Variants in RAI14 observed in about 807,000 individuals in gnomAD.
RAI14 encodes ankycorbin.
RAI14 carries 45 observed loss-of-function variants against 115.4 expected under a neutral mutation model. That is an observed-to-expected ratio of 0.39 (90% CI 0.31 to 0.50). RAI14 has a LOEUF of 0.50. Among genes scored for constraint, RAI14 ranks in the 20% least tolerant of loss-of-function variants. The pLI is 0.85. For synonymous variants in RAI14, 371 were observed against 415.4 expected, an observed-to-expected ratio of 0.89 and a Z score of 1.30; for missense variants, 939 against 1,131.2, an observed-to-expected ratio of 0.83 and a Z score of 2.44.
chr5:34,811,759 TCC>T lies in RAI14; in HGVS notation c.558-7_558-6del, dbSNP rs1311632824. 1 of 1,599,978 alleles carries T rather than the reference TCC, an allele frequency of 6.3e-7. No homozygotes were observed. The highest frequency in any genetic ancestry group is 1.3e-5 in the African/African-American group (1 of 74,202). On this transcript the variant is annotated splice_region_variant and splice_polypyrimidine_tract_variant and intron_variant, in intron 8 of 17. Transcript: ENST00000265109. ...TAGTACTAATTTTGTGTCTCTTTTT[TCC>T]TTTAGAACTGCTCTCATGCTGGCCT...
At chr5:34,722,645 G>T (rs971528826) in intron 2 of RAI14, among the ~76,000 whole-genome samples, 2 of 149,970 alleles carry the variant, frequency 1.3e-5, no homozygotes, top group Non-Finnish European at 3.0e-5. Flanking sequence ...CAGGAGTTCG[G>T]TACCAGCCTG....
intron 3 of RAI14, among the ~76,000 whole-genome samples, chr5:34,790,242 A>G (rs531046640): frequency 7.1e-4 from 108 of 152,324 alleles, no homozygotes; most frequent in African/African-American, 2.5e-3. Flanking sequence ...TCTGAGGGGA[A>G]TAAACTGAGT....
At chr5:34,674,673 C>T (rs1476167816) in intron 1 of RAI14, among the ~76,000 whole-genome samples, 1 of 151,618 alleles carries the variant, frequency 6.6e-6, no homozygotes, top group Non-Finnish European at 1.5e-5. Flanking sequence ...CGACCTCCGC[C>T]TCCCAGATTC....
intron 3 of RAI14, among the ~76,000 whole-genome samples, chr5:34,772,381 A>G (rs1580204206): frequency 6.6e-6 from 1 of 152,334 alleles, no homozygotes; most frequent in East Asian, 1.9e-4. Context: ...CCATACTTTT[A>G]ATGGCAGAAA....
chr5:34,720,474 A>G (rs1174369952), intron 2 of RAI14, among the ~76,000 whole-genome samples: 8 of 137,818 alleles, frequency 5.8e-5, no homozygotes, highest in Middle Eastern at 4.1e-3. Flanking sequence ...GCAGTGGCGC[A>G]ATCTCGGCTC....
chr5:34,823,972 G>A lies in RAI14; in HGVS notation c.2130G>A (p.Leu710=). 6.2e-7 allele frequency: 1 copy of A among 1,614,046 alleles called. No homozygotes were observed. The highest frequency in any genetic ancestry group is 8.5e-7 in the Non-Finnish European group (1 of 1,179,942). The change falls in exon 15 of 18, where the codon TTG becomes TTA. Residue 710 remains leucine, a synonymous_variant. Coordinates refer to ENST00000265109, the MANE Select transcript of RAI14 (RefSeq NM_015577.3). This position sits in a 1 kb window ranked among gnomAD's most constrained non-coding sequence, Gnocchi z 4.5. ...SEMKSQYSKV[L]NELTQLKQLV... ...TGAAGTCTCAGTATTCAAAAGTGTT[G>A]AATGAGTTGACCCAGCTCAAACAAC...
chr5:34,803,368 C>T (rs540440876), intron 4 of RAI14, among the ~76,000 whole-genome samples: 2 of 152,180 alleles, frequency 1.3e-5, no homozygotes, highest in South Asian at 2.1e-4. Context: ...CGCAACGTGG[C>T]GAAATCTCAT....
At chr5:34,689,289 C>T (rs1173731669) in intron 2 of RAI14, among the ~76,000 whole-genome samples, 8 of 152,092 alleles carry the variant, frequency 5.3e-5, no homozygotes, top group African/African-American at 1.2e-4. Context: ...CCTATGGTTC[C>T]AGCTACTCGG....
intron 3 of RAI14, among the ~76,000 whole-genome samples, chr5:34,786,320 A>C (rs1303302660): frequency 6.6e-6 from 1 of 152,194 alleles, no homozygotes; most frequent in Non-Finnish European, 1.5e-5. Context: ...CAGTCGCTCA[A>C]GGTGCTGCTC....
intron 2 of RAI14, among the ~76,000 whole-genome samples, chr5:34,697,504 AG>A (rs1486740674): frequency 6.6e-6 from 1 of 151,742 alleles, no homozygotes; most frequent in African/African-American, 2.4e-5. Context: ...TGGTGACATT[AG>A]GTAACCAGTC....
At chr5:34,726,680 C>T (rs367993386) in intron 2 of RAI14, among the ~76,000 whole-genome samples, 25 of 152,216 alleles carry the variant, frequency 1.6e-4, no homozygotes, top group African/African-American at 4.3e-4. Context: ...AGATTTTTCC[C>T]GTGCTGTTCT....
At chr5:34,699,257 A>G (rs539272266) in intron 2 of RAI14, among the ~76,000 whole-genome samples, 39 of 152,370 alleles carry the variant, frequency 2.6e-4, no homozygotes, top group Admixed American at 1.3e-3. Flanking sequence ...TTCCCAGTTT[A>G]CAGATGAGAA....
Position 34,823,375 on chromosome 5 carries a change from C to G in RAI14, c.1533C>G (p.Val511=), listed in dbSNP as rs1159234964. 5.6e-6 allele frequency: 9 copies of G among 1,613,948 alleles called. No homozygotes were observed. The highest frequency in any genetic ancestry group is 6.8e-6 in the Non-Finnish European group (8 of 1,180,042). ...AGAAGCAGATGAAACTCGGTCTTGTCTCACCTGAAAGCATGGATAATTATT... is the reference window on the plus strand; with the variant it reads ...AGAAGCAGATGAAACTCGGTCTTGTGTCACCTGAAAGCATGGATAATTATT... ...SVQKQMKLGL[V]SPESMDNYSH... is the part of the protein sequence containing the mutation. Residue 511 remains valine (V), a synonymous_variant, in exon 15 of 18, where the codon GTC becomes GTG. Transcript: ENST00000265109. The surrounding 1 kb of genome is among the most constrained non-coding windows in gnomAD (Gnocchi z 4.5).
chr5:34,687,652 G>A, intron 2 of RAI14: 2 of 1,550,970 alleles, frequency 1.3e-6, no homozygotes, highest in Admixed American at 3.9e-5. Flanking sequence ...TGTATTAGCT[G>A]CATTCCAGAT....
chr5:34,818,727 A>G, intron 12 of RAI14, 70 bp from the exon 13 acceptor site: 2 of 1,318,182 alleles, frequency 1.5e-6, no homozygotes, highest in Non-Finnish European at 2.2e-6. Context: ...CAAGGAGGAA[A>G]GTCTGCTTGA....
At chr5:34,719,465 G>A (rs556661784) in intron 2 of RAI14, among the ~76,000 whole-genome samples, 17 of 152,310 alleles carry the variant, frequency 1.1e-4, no homozygotes, top group African/African-American at 4.1e-4. Context: ...GATGCAAGGT[G>A]GTTCTGGAGA....
At chr5:34,819,539 G>T (rs1049316920) in intron 13 of RAI14, among the ~76,000 whole-genome samples, 1 of 152,142 alleles carries the variant, frequency 6.6e-6, no homozygotes, top group African/African-American at 2.4e-5. Context: ...TAATCATATT[G>T]TCTTTATGAT....
chr5:34,752,772 T>TATATATG (rs1554051566), intron 2 of RAI14, among the ~76,000 whole-genome samples: 1 of 139,618 alleles, frequency 7.2e-6, no homozygotes, highest in African/African-American at 2.9e-5. Context: ...TATATGTATC[T>TATATATG]TTTCTTTTTT....
At chr5:34,717,402 A>G (rs1742129231) in intron 2 of RAI14, among the ~76,000 whole-genome samples, 2 of 152,228 alleles carry the variant, frequency 1.3e-5, no homozygotes, top group South Asian at 4.1e-4. Flanking sequence ...ATTTTAATAC[A>G]ATGCAGTTTT....
Sources: gnomAD v4.1 joint callset for allele counts (sites outside exome capture counted in the v4.1 genomes callset) on GRCh38, gnomAD v4.1.1 for gene constraint, Gnocchi (gnomAD v3.1) non-coding constraint, MANE v1.5 for transcripts, NCBI Gene and HGNC (gene_info 2026-07-23, HGNC 2026-07-21) for gene names.